The following AFF1 variants were observed in gnomAD, a reference collection of about 807,000 sequenced individuals.
The protein encoded by AFF1 is AF4/FMR2 family member 1.
In AFF1, 48 loss-of-function variants were observed where a neutral mutation model predicts 121.7. That is an observed-to-expected ratio of 0.39 (90% confidence interval 0.31 to 0.50). The LOEUF (loss-of-function observed/expected upper bound fraction) is 0.50. Among genes scored for constraint, AFF1 ranks in the 20% least tolerant of loss-of-function variants. The pLI is 0.76. For synonymous variants in AFF1, 613 were observed against 563.0 expected (o/e 1.09, Z -1.26); for missense variants, 1,523 against 1,511.7 (o/e 1.01, Z -0.12).
intron 2 of AFF1, among the ~76,000 whole-genome samples, chr4:87,038,894 A>G (rs1252934502): frequency 6.6e-6 from 1 of 152,164 alleles, no homozygotes; most frequent in Non-Finnish European, 1.5e-5. Flanking sequence ...AATTCTAGAG[A>G]GTTGGTGACA....
At chr4:86,960,911 T>C (rs1722099997) in intron 2 of AFF1, among the ~76,000 whole-genome samples, 1 of 152,196 alleles carries the variant, frequency 6.6e-6, no homozygotes, top group Non-Finnish European at 1.5e-5. Flanking sequence ...CTAATGTGTT[T>C]ACTGACTTTC....
intron 4 of AFF1, among the ~76,000 whole-genome samples, chr4:87,081,152 A>ATTTTTTTTTTTTTTTTTTTTTTTTTTTTT (rs549510832): frequency 1.1e-5 from 1 of 89,718 alleles, no homozygotes; most frequent in Non-Finnish European, 2.1e-5. Context: ...AATGAAATGA[A>ATTTTTTTTTTTTTTTTTTTTTTTTTTTTT]TTTTTTTTTT....
chr4:86,947,741 T>C (rs1720968695), intron 1 of AFF1, among the ~76,000 whole-genome samples: 1 of 152,116 alleles, frequency 6.6e-6, no homozygotes, highest in African/African-American at 2.4e-5. Context: ...TCTGCCCAGA[T>C]TGGATAATAA....
rs192337969 is a variant in AFF1, at chr4:87,076,203, T to C, written c.1060-7917T>C. Among the ~76,000 whole-genome samples, 36 of 152,348 alleles carry C rather than the reference T, an allele frequency of 2.4e-4. No homozygotes were observed. In the East Asian group the frequency reaches 6.9e-3, roughly 29 times the overall value. On this transcript the variant is annotated intron_variant, in intron 4 of 20. Coordinates refer to ENST00000395146, the MANE Select transcript of AFF1 (RefSeq NM_001166693.3). Reference sequence around the variant, plus strand: ...CCTTGTTCGTTTCATAATAAATTTTTGTTGGGAGATAACTGTAGGTGACCT... The same window carrying C: ...CCTTGTTCGTTTCATAATAAATTTTCGTTGGGAGATAACTGTAGGTGACCT...
intron 19 of AFF1, among the ~76,000 whole-genome samples, 165 bp from the exon 20 acceptor site, chr4:87,134,306 G>A (rs760304459): frequency 1.7e-4 from 26 of 152,314 alleles, no homozygotes; most frequent in Middle Eastern, 3.4e-3. Context: ...AGCCCAGCAG[G>A]GTGTCTCGTT....
chr4:87,060,466 T>G (rs1019510893), intron 4 of AFF1, among the ~76,000 whole-genome samples: 4 of 152,162 alleles, frequency 2.6e-5, no homozygotes, highest in African/African-American at 9.7e-5. Flanking sequence ...ATCACTTTTT[T>G]GGGAATGAGT....
intron 5 of AFF1, among the ~76,000 whole-genome samples, chr4:87,084,962 A>G (rs1328012212): frequency 2.0e-5 from 3 of 152,224 alleles, no homozygotes; most frequent in Admixed American, 2.0e-4. Context: ...TCATACATAC[A>G]GCCTTTTCTT....
intron 13 of AFF1, among the ~76,000 whole-genome samples, chr4:87,125,560 T>C (rs554832418): frequency 4.4e-4 from 67 of 152,188 alleles, no homozygotes; most frequent in Non-Finnish European, 8.7e-4. Flanking sequence ...CTCCTTCTTT[T>C]AGAGATGACT....
rs1281280354 is a variant in AFF1 at position 87,127,049 on chromosome 4, T to C, written c.2835T>C (p.Asn945=). The change falls in exon 15 of 21, where the codon AAT becomes AAC. Residue 945 remains asparagine, a synonymous_variant. Transcript: ENST00000395146. ...AGGGTTCTTCCGGAGATACTGCAAA[T>C]CCTTTTCCAGTGCCTTCTTTGCCAA... ...EHKGSSGDTA[N]PFPVPSLPNG... 4.3e-6 allele frequency: 7 copies of C among 1,613,778 alleles called. No homozygotes were observed. The East Asian group carries it at 1.3e-4, about 31-fold the overall frequency.
At chr4:86,950,112 G>GA (rs1721199313) in intron 2 of AFF1, 2 of 1,612,416 alleles carry the variant, frequency 1.2e-6, no homozygotes, top group Middle Eastern at 1.7e-4. Context: ...TTCTGAAAGG[G>GA]AGCAGGGCAG....
At chr4:86,959,400 G>A (rs1000946028) in intron 2 of AFF1, among the ~76,000 whole-genome samples, 7 of 151,176 alleles carry the variant, frequency 4.6e-5, no homozygotes, top group Non-Finnish European at 8.8e-5. Flanking sequence ...ATTGTGTTGG[G>A]TCCCTTCCTC....
At chr4:86,952,823 G>A (rs908171175) in intron 2 of AFF1, among the ~76,000 whole-genome samples, 1 of 151,270 alleles carries the variant, frequency 6.6e-6, no homozygotes, top group Admixed American at 6.6e-5. Context: ...TGGCACTACA[G>A]GCACCCACCA....
chr4:87,135,480 G>A, intron 20 of AFF1, 100 bp from the exon 21 acceptor site: 2 of 1,226,088 alleles, frequency 1.6e-6, no homozygotes, highest in East Asian at 2.6e-5. Flanking sequence ...AGAATATTGT[G>A]GGGACCTACC....
chr4:87,001,924 C>T (rs888380455), intron 2 of AFF1, among the ~76,000 whole-genome samples: 1 of 152,182 alleles, frequency 6.6e-6, no homozygotes, highest in Admixed American at 6.5e-5. Context: ...CCTGGTTAAA[C>T]ATCATTCCAT....
intron 11 of AFF1, among the ~76,000 whole-genome samples, chr4:87,111,363 A>G (rs1726510390): frequency 6.6e-6 from 1 of 150,586 alleles, no homozygotes. Flanking sequence ...ATTTTTATTT[A>G]TTTTTATTGA....
chr4:87,109,828 C>T (rs1434258795), intron 11 of AFF1, among the ~76,000 whole-genome samples: 2 of 152,080 alleles, frequency 1.3e-5, no homozygotes, highest in Admixed American at 1.3e-4. Flanking sequence ...CCCATCCTGC[C>T]TTATCTTTTA....
Position 87,047,008 on chromosome 4 carries a change from G to T in AFF1, c.473G>T (p.Cys158Phe). The T allele has an allele frequency of 6.2e-7, 1 of 1,614,218 alleles. No individual in the cohort carries two copies. The highest frequency in any genetic ancestry group is 8.5e-7 in the Non-Finnish European group (1 of 1,180,050). The change falls in exon 4 of 21, where the codon TGC becomes TTC. Residue 158 changes from cysteine (C) to phenylalanine (F), a missense_variant. Cys to Phe is a radical substitution (Grantham distance 205, BLOSUM62 -2). Around this residue, in one of 5 missense-constraint regions of AFF1, gnomAD observed 369 missense variants for 367.2 expected, o/e 1.00. Transcript: ENST00000395146. ...EPMPSLHAKS[C>F]GPPDSQHLTQ... Reference sequence around the variant, plus strand: ...ATGCCAAGTCTCCATGCCAAAAGCTGCGGCCCACCGGACAGCCAGCACCTG... The same window carrying T: ...ATGCCAAGTCTCCATGCCAAAAGCTTCGGCCCACCGGACAGCCAGCACCTG...
intron 2 of AFF1, among the ~76,000 whole-genome samples, chr4:86,981,989 C>G (rs1252791095): frequency 6.6e-6 from 1 of 152,122 alleles, no homozygotes; most frequent in Non-Finnish European, 1.5e-5. Context: ...AGAGGAAATT[C>G]GCCAACAGAG....
At chr4:87,048,138 T>C (rs754762452) in intron 4 of AFF1, 9 of 156,916 alleles carry the variant, frequency 5.7e-5, no homozygotes, top group Non-Finnish European at 8.5e-5. Context: ...TAGAAGGACT[T>C]GTTCCCTGTA....
Sources: allele counts gnomAD v4.1 joint callset (sites outside exome capture counted in the v4.1 genomes callset), GRCh38; gene constraint gnomAD v4.1.1; regional missense constraint gnomAD v4.1.1; transcripts MANE v1.5; gene names NCBI Gene and HGNC (gene_info 2026-07-23, HGNC 2026-07-21).